RBFOX1: variants seen among roughly 807,000 people sequenced by gnomAD.
The protein encoded by RBFOX1 is RNA binding protein fox-1 homolog 1.
RBFOX1 carries 8 observed loss-of-function variants against 57.7 expected under a neutral mutation model. The observed-to-expected ratio is 0.14, with a 90% CI of 0.08 to 0.25. The LOEUF (loss-of-function observed/expected upper bound fraction) is 0.25, where lower values mean the gene tolerates loss of function less well. RBFOX1 is among the 10% of genes least tolerant of loss of function. RBFOX1 has a pLI of 1.00. For missense variants in RBFOX1, 611 were observed against 548.5 expected (o/e 1.11, Z -1.14); for synonymous variants, 326 against 222.4 (o/e 1.47, Z -4.15).
intron 1 of RBFOX1, among the ~76,000 whole-genome samples, chr16:5,460,473 C>G (rs1168350459): frequency 6.6e-6 from 1 of 152,158 alleles, no homozygotes. Flanking sequence ...GGGCACATCA[C>G]ATAGATAAGT....
At chr16:5,707,796 C>G (rs969278912) in intron 3 of RBFOX1, among the ~76,000 whole-genome samples, 1 of 152,164 alleles carries the variant, frequency 6.6e-6, no homozygotes, top group African/African-American at 2.4e-5. Flanking sequence ...GGAATACTTG[C>G]TGCTAAGACA....
At chr16:6,022,492 A>T (rs556429257) in intron 1 of RBFOX1, among the ~76,000 whole-genome samples, 1 of 152,154 alleles carries the variant, frequency 6.6e-6, no homozygotes, top group South Asian at 2.1e-4. Flanking sequence ...ACCAGCCTGG[A>T]CAACTTAGCA....
intron 4 of RBFOX1, among the ~76,000 whole-genome samples, chr16:7,158,138 G>T (rs1302833348): frequency 6.6e-6 from 1 of 152,094 alleles, no homozygotes; most frequent in Non-Finnish European, 1.5e-5. Context: ...CACAAGGTCA[G>T]GAGTTCGAGA....
intron 2 of RBFOX1, among the ~76,000 whole-genome samples, chr16:6,591,504 C>G (rs948963702): frequency 1.3e-5 from 2 of 152,054 alleles, no homozygotes; most frequent in Non-Finnish European, 2.9e-5. Flanking sequence ...TATACAGAGC[C>G]CTTTCTAAAA....
chr16:7,553,111 TA>T (rs1322004524), intron 5 of RBFOX1, among the ~76,000 whole-genome samples: 1 of 152,150 alleles, frequency 6.6e-6, no homozygotes, highest in Non-Finnish European at 1.5e-5. Flanking sequence ...CCTTCCTTTT[TA>T]AAAAATTTTC....
chr16:6,077,443 C>G (rs2095920918), intron 1 of RBFOX1, among the ~76,000 whole-genome samples: 1 of 152,188 alleles, frequency 6.6e-6, no homozygotes, highest in Non-Finnish European at 1.5e-5. Flanking sequence ...TATTGCGTCA[C>G]TGCTGCGAAC....
chr16:7,102,473 A>G (rs899772346), intron 4 of RBFOX1, among the ~76,000 whole-genome samples: 1 of 152,202 alleles, frequency 6.6e-6, no homozygotes, highest in Non-Finnish European at 1.5e-5. Flanking sequence ...ATATTTATGA[A>G]TCATGAGATT....
At chr16:6,189,708 A>T (rs1946129) in intron 1 of RBFOX1, among the ~76,000 whole-genome samples, 3,213 of 152,348 alleles carry the variant, frequency 0.021, 116 homozygotes, top group African/African-American at 0.073. Context: ...GGTTGAGGTT[A>T]GAACACTCTG....
chr16:6,723,339 A>G (rs1603461520), intron 3 of RBFOX1, among the ~76,000 whole-genome samples: 2 of 152,260 alleles, frequency 1.3e-5, no homozygotes. Context: ...CACCGAGCAT[A>G]GGCAGGTTAT....
intron 3 of RBFOX1, among the ~76,000 whole-genome samples, chr16:5,725,909 G>A (rs1367034385): frequency 1.3e-5 from 2 of 151,808 alleles, no homozygotes; most frequent in Non-Finnish European, 2.9e-5. Context: ...GTTAATTCCT[G>A]AGCACTCAGT....
chr16:7,029,545 T>C (rs2042259293), intron 3 of RBFOX1, among the ~76,000 whole-genome samples: 1 of 151,958 alleles, frequency 6.6e-6, no homozygotes, highest in Admixed American at 6.6e-5. Context: ...ATCTAATATT[T>C]TACCTGGACT....
intron 13 of RBFOX1, chr16:7,671,485 G>C: frequency 7.2e-7 from 1 of 1,385,432 alleles, no homozygotes; most frequent in Non-Finnish European, 1.0e-6. Context: ...TCTGGAATTT[G>C]TCTGACTTAT....
At chr16:6,579,101 ATGT>A (rs2153969687) in intron 2 of RBFOX1, among the ~76,000 whole-genome samples, 1 of 152,288 alleles carries the variant, frequency 6.6e-6, no homozygotes, top group South Asian at 2.1e-4. Flanking sequence ...TACTGAAATG[ATGT>A]TATGTTTTCT....
rs528491543 is a variant in RBFOX1 at position 5,484,717 on chromosome 16, C to A, written c.258+17463C>A. Among the ~76,000 whole-genome samples, 5 of 151,748 alleles carry A rather than the reference C, an allele frequency of 3.3e-5. No homozygotes were observed. The East Asian group carries it at 7.8e-4, about 24-fold the overall frequency. On this transcript the variant is annotated intron_variant, in intron 2 of 2. Transcript: ENST00000585867. Reference sequence around the variant, plus strand: ...CATGAGGTCAGGAGATCGAAACCATCCTGGCCAACATGGTGAAACCCCATC... The same window carrying A: ...CATGAGGTCAGGAGATCGAAACCATACTGGCCAACATGGTGAAACCCCATC...
intron 11 of RBFOX1, among the ~76,000 whole-genome samples, chr16:7,652,448 C>T (rs2065270136): frequency 6.6e-6 from 1 of 152,224 alleles, no homozygotes; most frequent in South Asian, 2.1e-4. Flanking sequence ...TGCTGTGTCA[C>T]TCAGGCTGGA....
rs2097738817 is a variant in RBFOX1 at position 6,593,265 on chromosome 16, T to G, written c.-63-61338T>G. Among the ~76,000 whole-genome samples the G allele has an allele frequency of 4.6e-5, 7 of 152,322 alleles. 1 individual carries two copies. The South Asian group carries it at 1.4e-3, about 32-fold the overall frequency. ...CCATCTCTCTCTGCCCTACTGGATC[T>G]CATGTATTCCCTAAAATGTATTGCT... is the stretch of plus-strand genomic sequence containing the variant. On this transcript the variant is annotated intron_variant, in intron 2 of 15. Transcript: ENST00000550418.
chr16:6,559,379 T>C (rs1308934003), intron 2 of RBFOX1, among the ~76,000 whole-genome samples: 1 of 152,050 alleles, frequency 6.6e-6, no homozygotes, highest in Non-Finnish European at 1.5e-5. Flanking sequence ...CACGTATGTA[T>C]ACATATATAG....
chr16:5,864,457 C>T (rs11646109), intron 3 of RBFOX1, among the ~76,000 whole-genome samples: 61,233 of 151,736 alleles, frequency 0.4, 12,626 homozygotes, highest in East Asian at 0.6. Context: ...AACCTTTTGT[C>T]GGTTTGATGT....
chr16:7,214,448 C>T (rs1005820888), intron 4 of RBFOX1, among the ~76,000 whole-genome samples: 11 of 151,982 alleles, frequency 7.2e-5, no homozygotes, highest in South Asian at 2.1e-4. Context: ...TCTAAATCAC[C>T]GTGTCTTGCC....
Sources: allele counts gnomAD v4.1 joint callset (sites outside exome capture counted in the v4.1 genomes callset), GRCh38; gene constraint gnomAD v4.1.1; transcripts MANE v1.5; gene names NCBI Gene and HGNC (gene_info 2026-07-23, HGNC 2026-07-21).